The following MCC variants were observed in gnomAD, a reference collection of about 807,000 sequenced individuals.
MCC encodes MCC regulator of Wnt signaling pathway, also known as colorectal mutant cancer protein.
In MCC, 90 loss-of-function variants were observed where a neutral mutation model predicts 116.2. The ratio of observed to expected loss-of-function variants is 0.77; its 90% CI spans 0.65 to 0.92. MCC has a LOEUF of 0.92. Ranked by LOEUF, MCC falls within the 40% of genes least tolerant of loss-of-function variation. The pLI is 0.00. For missense variants in MCC, 1,516 were observed against 1,312.2 expected, an observed-to-expected ratio of 1.16 and a Z score of -2.40; for synonymous variants, 578 against 510.5, an observed-to-expected ratio of 1.13 and a Z score of -1.78.
At chr5:113,410,545 A>C (rs1769958546) in intron 1 of MCC, among the ~76,000 whole-genome samples, 1 of 152,194 alleles carries the variant, frequency 6.6e-6, no homozygotes, top group Non-Finnish European at 1.5e-5. Context: ...GCTGAGGTTT[A>C]AATATCTGAC....
At chr5:113,487,191 G>C (rs1407443008) in intron 1 of MCC, among the ~76,000 whole-genome samples, 1 of 147,654 alleles carries the variant, frequency 6.8e-6, no homozygotes, top group African/African-American at 2.5e-5. Flanking sequence ...TCCGCACTTT[G>C]CTTTCTTTTT....
At chr5:113,164,449 C>A (rs546693150) in intron 3 of MCC, among the ~76,000 whole-genome samples, 3 of 152,184 alleles carry the variant, frequency 2.0e-5, no homozygotes, top group Non-Finnish European at 4.4e-5. Flanking sequence ...AATCATCAAA[C>A]CTCCAGAACA....
intron 1 of MCC, among the ~76,000 whole-genome samples, chr5:113,455,960 T>A (rs530597029): frequency 6.6e-6 from 1 of 152,218 alleles, no homozygotes; most frequent in South Asian, 2.1e-4. Flanking sequence ...ACCAAGATCA[T>A]ACAGCTAATA....
intron 6 of MCC, among the ~76,000 whole-genome samples, chr5:113,112,992 A>G (rs1184439006): frequency 6.6e-6 from 1 of 152,234 alleles, no homozygotes; most frequent in Non-Finnish European, 1.5e-5. Context: ...CATAAGTCAC[A>G]GAGAATTTTA....
At chr5:113,175,549 G>A (rs1409578249) in intron 3 of MCC, among the ~76,000 whole-genome samples, 1 of 152,048 alleles carries the variant, frequency 6.6e-6, no homozygotes, top group Non-Finnish European at 1.5e-5. Flanking sequence ...CACTCAAACT[G>A]GACGGGGAGT....
chr5:113,338,726 T>C (rs1340316860), intron 3 of MCC, among the ~76,000 whole-genome samples: 1 of 152,240 alleles, frequency 6.6e-6, no homozygotes, highest in African/African-American at 2.4e-5. Context: ...AGGCATAGCC[T>C]AAGTCCAGGC....
chr5:113,403,268 T>C (rs1769741943), intron 1 of MCC, among the ~76,000 whole-genome samples: 1 of 152,154 alleles, frequency 6.6e-6, no homozygotes, highest in Non-Finnish European at 1.5e-5. Context: ...GACGTACCAT[T>C]CTAAGGAAAG....
chr5:113,054,904 G>A (rs1342327995), intron 14 of MCC, among the ~76,000 whole-genome samples: 1 of 152,236 alleles, frequency 6.6e-6, no homozygotes. Context: ...TTCCAGCAGT[G>A]GGCAGGCTGC....
At chr5:113,100,128 G>T (rs1756304097) in intron 8 of MCC, among the ~76,000 whole-genome samples, 1 of 152,184 alleles carries the variant, frequency 6.6e-6, no homozygotes, top group Non-Finnish European at 1.5e-5. Context: ...ATGCACGTGA[G>T]TTAAGACAAA....
At chr5:113,030,552 T>G (rs1368815464) in intron 17 of MCC, among the ~76,000 whole-genome samples, 1 of 152,062 alleles carries the variant, frequency 6.6e-6, no homozygotes, top group Non-Finnish European at 1.5e-5. Flanking sequence ...TGGTGGGTCA[T>G]GCCTGTAGTC....
chr5:113,446,485 A>T (rs1159761667), intron 1 of MCC, among the ~76,000 whole-genome samples: 1 of 152,234 alleles, frequency 6.6e-6, no homozygotes, highest in Non-Finnish European at 1.5e-5. Flanking sequence ...GCTGATAAAC[A>T]TGAAAAAACT....
intron 1 of MCC, chr5:113,435,310 G>C (rs376340124): frequency 6.1e-6 from 1 of 164,896 alleles, no homozygotes; most frequent in Non-Finnish European, 1.3e-5. Context: ...ATAAAGGTGG[G>C]AGCAGAGTGT....
chr5:113,434,064 C>T lies in MCC; in HGVS notation c.171-48852G>A, dbSNP rs754276272. 6.8e-6 allele frequency: 11 copies of T among 1,614,024 alleles called. No individual in the cohort carries two copies. Among genetic ancestry groups the T allele is most frequent in the South Asian group, 3.3e-5 (3 of 91,078 alleles). On this transcript the variant is annotated intron_variant, in intron 1 of 18. Transcript: ENST00000408903. The surrounding 1 kb of genome is among the most constrained non-coding windows in gnomAD (Gnocchi z 4.2). Reference sequence around the variant, plus strand: ...GAGGATCTCGTCGATGTGGAGCCGCCGGTTGACGTCGGGCTGCAGCATGTG... The same window carrying T: ...GAGGATCTCGTCGATGTGGAGCCGCTGGTTGACGTCGGGCTGCAGCATGTG...
rs148467171 is a variant in MCC at position 113,290,693 on chromosome 5, G to C, written c.627+49826C>G. 1.2e-4 allele frequency among the ~76,000 whole-genome samples: 18 copies of C among 152,252 alleles called. 1 individual carries two copies. The East Asian group carries it at 3.5e-3, about 29-fold the overall frequency. ...AGCTAACTGCTGATCTAAAAGTCAC[G>C]ACCACGAAGAATATGCCAGAGCTGT... On this transcript the variant is annotated intron_variant, in intron 3 of 18. Coordinates refer to ENST00000408903, the MANE Select transcript of MCC (RefSeq NM_001085377.2).
In MCC at chr5:113,058,968, G is replaced by A. The variant is rs75566517; in HGVS notation, c.2214-5009C>T. On this transcript the variant is annotated intron_variant, in intron 14 of 18. Coordinates refer to ENST00000408903, the MANE Select transcript of MCC (RefSeq NM_001085377.2). ...AGAATCCCTCCATCCCAGGGAGAAC[G>A]AAAGCTGCCAGTGGTTGAATGGACT... Among the ~76,000 whole-genome samples, 755 of 152,268 alleles carry A rather than the reference G, an allele frequency of 5.0e-3. 6 individuals are homozygous for A. The highest frequency in any genetic ancestry group is 0.017 in the African/African-American group (720 of 41,550).
At chr5:113,354,905 A>AG (rs1768373440) in intron 2 of MCC, among the ~76,000 whole-genome samples, 1 of 151,842 alleles carries the variant, frequency 6.6e-6, no homozygotes, top group Non-Finnish European at 1.5e-5. Flanking sequence ...AAAAATATTT[A>AG]GAAAAAAAGA....
At chr5:113,346,629 ACAAC>A (rs746092212) in intron 2 of MCC, among the ~76,000 whole-genome samples, 22 of 136,454 alleles carry the variant, frequency 1.6e-4, no homozygotes, top group East Asian at 1.2e-3. Flanking sequence ...AACAACAACA[ACAAC>A]AAAAAAAACA....
chr5:113,248,235 T>TA (rs10574369), intron 3 of MCC, among the ~76,000 whole-genome samples: 217 of 133,544 alleles, frequency 1.6e-3, no homozygotes, highest in Middle Eastern at 7.5e-3. Flanking sequence ...TGTATCTATT[T>TA]AAAAAAAAAA....
chr5:113,035,769 C>T (rs1751286959), intron 17 of MCC, among the ~76,000 whole-genome samples: 1 of 152,092 alleles, frequency 6.6e-6, no homozygotes, highest in African/African-American at 2.4e-5. Context: ...CACGCCTTAC[C>T]ATTTCCTTCA....
Sources: allele counts gnomAD v4.1 joint callset (sites outside exome capture counted in the v4.1 genomes callset), GRCh38; gene constraint gnomAD v4.1.1; non-coding constraint Gnocchi (gnomAD v3.1); transcripts MANE v1.5; gene names NCBI Gene and HGNC (gene_info 2026-07-23, HGNC 2026-07-21).